The following RASSF8 variants were observed in gnomAD, a reference collection of about 807,000 sequenced individuals.
RASSF8 encodes the protein ras association domain-containing protein 8.
RASSF8 carries 22 observed loss-of-function variants against 48.5 expected under a neutral mutation model. That is an observed-to-expected ratio of 0.45 (90% CI 0.32 to 0.65). The LOEUF (loss-of-function observed/expected upper bound fraction) is 0.65. Ranked by LOEUF, RASSF8 falls within the 30% of genes least tolerant of loss-of-function variation. The pLI, the probability that RASSF8 is intolerant of heterozygous loss-of-function variation, is 0.03. For synonymous variants in RASSF8, 127 were observed against 171.5 expected, an observed-to-expected ratio of 0.74 and a Z score of 2.03; for missense variants, 418 against 489.2, an observed-to-expected ratio of 0.85 and a Z score of 1.37.
At chr12:25,998,080 G>C (rs79076710) in intron 2 of RASSF8, among the ~76,000 whole-genome samples, 8 of 152,242 alleles carry the variant, frequency 5.3e-5, no homozygotes, top group Admixed American at 3.3e-4. Context: ...ATTGGTTAAC[G>C]TGCAAGTCTA....
At position 26,071,165 on chromosome 12, in the gene RASSF8, A is replaced by C; in HGVS notation, c.*2347A>C. 1.0e-6 allele frequency: 1 copy of C among 974,634 alleles called. No individual in the cohort carries two copies. The highest frequency in any genetic ancestry group is 4.7e-5 in the South Asian group (1 of 21,086). 60.4% of individuals were successfully genotyped at this position (974,634 alleles called of 1,614,324 possible). On this transcript the variant is annotated 3_prime_UTR_variant, in exon 6 of 6. Coordinates refer to ENST00000689635, the MANE Select transcript of RASSF8 (RefSeq NM_001394098.1). ...TACTTCTGGAAGCACATATCTAAGG[A>C]ATATTTTCTAAGACTCAGAGGGAAA...
chr12:25,965,384 G>A (rs1234133637), intron 1 of RASSF8, among the ~76,000 whole-genome samples: 1 of 32,994 alleles, frequency 3.0e-5, no homozygotes, highest in Non-Finnish European at 6.6e-5. Context: ...TTTTTTTTTT[G>A]AGACAGGGTC....
At chr12:26,049,670 TAAGA>T (rs905708210) in intron 2 of RASSF8, among the ~76,000 whole-genome samples, 3 of 152,266 alleles carry the variant, frequency 2.0e-5, no homozygotes, top group Admixed American at 6.5e-5. Context: ...GGGCTTTTAA[TAAGA>T]AACTCAACTG....
intron 2 of RASSF8, among the ~76,000 whole-genome samples, chr12:26,027,379 CAG>C (rs1176809206): frequency 6.6e-6 from 1 of 152,124 alleles, no homozygotes. Flanking sequence ...AACAAACAAA[CAG>C]AAGCTGGATA....
chr12:25,972,133 T>C (rs895742701), intron 1 of RASSF8, among the ~76,000 whole-genome samples: 29 of 152,164 alleles, frequency 1.9e-4, no homozygotes, highest in African/African-American at 7.0e-4. Context: ...ATTTGAAATA[T>C]AACTGACTTA....
At chr12:26,019,175 A>G (rs1321556536) in intron 2 of RASSF8, among the ~76,000 whole-genome samples, 3 of 152,188 alleles carry the variant, frequency 2.0e-5, no homozygotes, top group Admixed American at 2.0e-4. Flanking sequence ...CTATTGCGCT[A>G]TATTCTTTCA....
chr12:25,981,955 A>G (rs756217144), intron 1 of RASSF8, among the ~76,000 whole-genome samples: 10 of 152,228 alleles, frequency 6.6e-5, no homozygotes, highest in Non-Finnish European at 1.3e-4. Context: ...ATGTTTCTTA[A>G]TAATCGTCCT....
At chr12:25,968,842 T>TG (rs1238395574) in intron 1 of RASSF8, among the ~76,000 whole-genome samples, 14 of 152,068 alleles carry the variant, frequency 9.2e-5, no homozygotes, top group Admixed American at 4.6e-4. Context: ...AAAAATAAGG[T>TG]GGGGGGATTG....
chr12:26,049,340 T>G (rs1355918688), intron 2 of RASSF8, among the ~76,000 whole-genome samples: 1 of 152,244 alleles, frequency 6.6e-6, no homozygotes, highest in Admixed American at 6.5e-5. Flanking sequence ...ATTGAAAACA[T>G]ATCTCTTAGT....
intron 3 of RASSF8, among the ~76,000 whole-genome samples, chr12:26,057,641 G>C (rs547430071): frequency 6.6e-6 from 1 of 152,104 alleles, no homozygotes; most frequent in Non-Finnish European, 1.5e-5. Flanking sequence ...GGGTATATAC[G>C]CAATAATGGG....
chr12:25,996,481 G>A (rs1013113347), intron 2 of RASSF8, among the ~76,000 whole-genome samples: 2 of 152,122 alleles, frequency 1.3e-5, no homozygotes, highest in African/African-American at 4.8e-5. Flanking sequence ...TGGGGATTTT[G>A]TGTATTTGGG....
In RASSF8 at chr12:26,036,640, G is replaced by A. The variant is rs569895227; in HGVS notation, c.-108-18596G>A. On this transcript the variant is annotated intron_variant, in intron 2 of 5. Coordinates refer to ENST00000689635, the MANE Select transcript of RASSF8 (RefSeq NM_001394098.1). ...AGTGTATGTCTGGTCGAGCGCAGTG[G>A]CTCACGCCTATAATCCCAACACTTT... Among the ~76,000 whole-genome samples the A allele has an allele frequency of 4.8e-4, 73 of 152,038 alleles. 1 individual carries two copies. Among genetic ancestry groups the A allele is most frequent in the Non-Finnish European group, 7.9e-4 (54 of 68,014 alleles).
upstream of RASSF8, chr12:25,958,431 C>A (rs1941130758): frequency 6.6e-6 from 1 of 151,766 alleles, no homozygotes; most frequent in African/African-American, 2.4e-5. Flanking sequence ...GAGCTCCCCG[C>A]CGCTTTAAAA....
chr12:26,042,997 C>G (rs1365866988), intron 2 of RASSF8, among the ~76,000 whole-genome samples: 1 of 152,146 alleles, frequency 6.6e-6, no homozygotes. Context: ...CCATTCCCCC[C>G]CTAGTTAAGC....
intron 5 of RASSF8, chr12:26,078,916 C>T (rs967082898): frequency 1.8e-5 from 17 of 941,984 alleles, no homozygotes; most frequent in Admixed American, 1.2e-4. Context: ...AGGCGCTAAC[C>T]GAAAAGACAA....
At chr12:26,051,620 T>C (rs895283636) in intron 2 of RASSF8, among the ~76,000 whole-genome samples, 2 of 152,210 alleles carry the variant, frequency 1.3e-5, no homozygotes, top group Non-Finnish European at 2.9e-5. Context: ...TTCTACAAAA[T>C]ATTGTACTCC....
intron 2 of RASSF8, among the ~76,000 whole-genome samples, chr12:25,997,112 C>G (rs890021780): frequency 1.3e-5 from 2 of 152,024 alleles, no homozygotes; most frequent in Admixed American, 1.3e-4. Flanking sequence ...CAGTTTATCA[C>G]GAGATACCTT....
At position 26,070,280 on chromosome 12, in the gene RASSF8, T is replaced by C. The variant is rs1441379618; in HGVS notation, c.*1462T>C. 1 of 985,220 alleles carries C rather than the reference T, an allele frequency of 1.0e-6. No homozygotes were observed. The highest frequency in any genetic ancestry group is 1.2e-6 in the Non-Finnish European group (1 of 829,832). 61.0% of individuals were successfully genotyped at this position (985,220 alleles called of 1,614,324 possible). On this transcript the variant is annotated 3_prime_UTR_variant, in exon 6 of 6. Transcript: ENST00000689635. ...TATGCATGAAGGCAACTTTGGATGT[T>C]TTAACACATTTGACTGACTTTGGTT... is the stretch of plus-strand genomic sequence containing the variant.
At chr12:26,078,996 CT>C in intron 5 of RASSF8, 3 of 1,526,122 alleles carry the variant, frequency 2.0e-6, no homozygotes, top group Admixed American at 4.2e-5. Flanking sequence ...AACCTTAACT[CT>C]TTTTTGTTGT....
Sources: gnomAD v4.1 joint callset for allele counts (sites outside exome capture counted in the v4.1 genomes callset) on GRCh38, gnomAD v4.1.1 for gene constraint, MANE v1.5 for transcripts, NCBI Gene and HGNC (gene_info 2026-07-23, HGNC 2026-07-21) for gene names.